Variants in AGBL4 observed in about 807,000 individuals in gnomAD.
AGBL4 encodes AGBL carboxypeptidase 4.
AGBL4 carries 58 observed loss-of-function variants against 66.4 expected under a neutral mutation model. The ratio of observed to expected loss-of-function variants is 0.87; its 90% confidence interval spans 0.71 to 1.09. The LOEUF (loss-of-function observed/expected upper bound fraction) is 1.09. AGBL4 is among the 50% of genes least tolerant of loss of function. The pLI, the probability that AGBL4 is intolerant of heterozygous loss-of-function variation, is 0.00. For missense variants in AGBL4, 579 were observed against 631.0 expected, an observed-to-expected ratio of 0.92 and a Z score of 0.88; for synonymous variants, 234 against 222.9, an observed-to-expected ratio of 1.05 and a Z score of -0.44.
At chr1:49,506,813 C>T (rs1361545525) in intron 3 of AGBL4, among the ~76,000 whole-genome samples, 1 of 151,924 alleles carries the variant, frequency 6.6e-6, no homozygotes, top group Non-Finnish European at 1.5e-5. Context: ...GGTTGCAAAG[C>T]CCATCTATAA....
At chr1:48,975,295 A>C (rs1469731587) in intron 5 of AGBL4, among the ~76,000 whole-genome samples, 2 of 152,102 alleles carry the variant, frequency 1.3e-5, no homozygotes, top group African/African-American at 4.8e-5. Context: ...AATAATCTGT[A>C]ATGTTACCAG....
chr1:49,707,575 G>A (rs886710897), intron 2 of AGBL4, among the ~76,000 whole-genome samples: 3 of 151,998 alleles, frequency 2.0e-5, no homozygotes, highest in Non-Finnish European at 4.4e-5. Flanking sequence ...ATTGTAATAT[G>A]TGATTTTGAT....
chr1:49,996,566 G>A (rs1660384086), intron 1 of AGBL4, among the ~76,000 whole-genome samples: 2 of 152,166 alleles, frequency 1.3e-5, no homozygotes, highest in South Asian at 4.2e-4. Flanking sequence ...TGGGATTATG[G>A]TAAATGAACA....
intron 5 of AGBL4, among the ~76,000 whole-genome samples, chr1:49,041,726 G>A (rs1261829150): frequency 3.3e-5 from 5 of 152,120 alleles, no homozygotes; most frequent in Admixed American, 3.3e-4. Flanking sequence ...CCCGGTATGT[G>A]TGTTGTGTTG....
At chr1:49,242,080 C>T (rs1253141698) in intron 4 of AGBL4, among the ~76,000 whole-genome samples, 1 of 151,866 alleles carries the variant, frequency 6.6e-6, no homozygotes, top group African/African-American at 2.4e-5. Flanking sequence ...TTCTCTAATC[C>T]CACTGCATGC....
chr1:48,902,296 A>T (rs1652162137), intron 5 of AGBL4, among the ~76,000 whole-genome samples: 1 of 152,212 alleles, frequency 6.6e-6, no homozygotes, highest in Non-Finnish European at 1.5e-5. Context: ...TAAAATAAAA[A>T]ACCATAAACT....
chr1:49,435,233 A>G (rs1427763524), intron 3 of AGBL4, among the ~76,000 whole-genome samples: 5 of 152,202 alleles, frequency 3.3e-5, no homozygotes, highest in Non-Finnish European at 7.3e-5. Flanking sequence ...TCATCAAATC[A>G]GTGCTTAGAA....
At position 48,991,422 on chromosome 1, in the gene AGBL4, T is replaced by C. The variant is rs568489971; in HGVS notation, c.594+54162A>G. ...TTTAGGATCCCTTTATTCTTGACTT[T>C]TGCAAGTTTGATCATTAAATGCCTT... On this transcript the variant is annotated intron_variant, in intron 5 of 13. Coordinates refer to ENST00000371839, the MANE Select transcript of AGBL4 (RefSeq NM_032785.4). Among the ~76,000 whole-genome samples the C allele has an allele frequency of 5.3e-5, 8 of 152,292 alleles. No individual in the cohort carries two copies. The East Asian group carries it at 1.2e-3, about 22-fold the overall frequency.
intron 3 of AGBL4, among the ~76,000 whole-genome samples, chr1:49,371,252 C>G (rs113249853): frequency 0.16 from 7,506 of 45,718 alleles, 178 homozygotes; most frequent in Middle Eastern, 0.3. Flanking sequence ...TAGATAGATA[C>G]ATACATACAT....
intron 9 of AGBL4, among the ~76,000 whole-genome samples, chr1:48,597,809 AAGAG>A (rs150961154): frequency 8.2e-5 from 12 of 146,060 alleles, no homozygotes; most frequent in East Asian, 5.8e-4. Context: ...AAGAGAAAGA[AAGAG>A]AGAGAAAGAA....
intron 3 of AGBL4, among the ~76,000 whole-genome samples, chr1:49,325,793 C>T (rs1645217841): frequency 6.6e-6 from 1 of 152,174 alleles, no homozygotes; most frequent in Admixed American, 6.5e-5. Flanking sequence ...AATGGTTTAG[C>T]ACCATCGTCT....
At chr1:48,868,983 C>A (rs1451022197) in intron 5 of AGBL4, among the ~76,000 whole-genome samples, 1 of 152,156 alleles carries the variant, frequency 6.6e-6, no homozygotes, top group East Asian at 1.9e-4. Flanking sequence ...TTGTCCTTTA[C>A]TCATAAGACC....
Position 49,855,926 on chromosome 1 carries a change from TA to T in AGBL4, c.35-4409del, listed in dbSNP as rs554142604. Among the ~76,000 whole-genome samples, 288 of 151,934 alleles carry T rather than the reference TA, an allele frequency of 1.9e-3. 2 individuals carry two copies. Among genetic ancestry groups the T allele is most frequent in the African/African-American group, 6.7e-3 (276 of 41,498 alleles). On this transcript the variant is annotated intron_variant, in intron 1 of 13. Transcript: ENST00000371839. ...AAGCAGAACTAAGCAAAATAGAATC[TA>T]AAAAAATACAAAGGATAAGCAGAAT... is the stretch of plus-strand genomic sequence containing the variant.
chr1:49,932,282 T>C (rs1003908537), intron 1 of AGBL4, among the ~76,000 whole-genome samples: 10 of 152,138 alleles, frequency 6.6e-5, no homozygotes, highest in Admixed American at 5.9e-4. Flanking sequence ...AAAATTAGAT[T>C]GAGAACAACT....
intron 3 of AGBL4, among the ~76,000 whole-genome samples, chr1:49,468,014 T>C (rs1297707435): frequency 2.0e-5 from 3 of 151,766 alleles, no homozygotes; most frequent in African/African-American, 7.3e-5. Flanking sequence ...GACTAAACAA[T>C]TGCAAATTTT....
intron 4 of AGBL4, among the ~76,000 whole-genome samples, chr1:49,104,367 A>G (rs1645255916): frequency 6.6e-6 from 1 of 152,214 alleles, no homozygotes; most frequent in African/African-American, 2.4e-5. Flanking sequence ...TATAAAAGGA[A>G]TGAACATTAT....
At chr1:49,580,637 T>A (rs1464367807) in intron 3 of AGBL4, among the ~76,000 whole-genome samples, 1 of 152,210 alleles carries the variant, frequency 6.6e-6, no homozygotes, top group African/African-American at 2.4e-5. Flanking sequence ...TATTCCTTCA[T>A]TTATGAAGCA....
chr1:48,715,468 C>T (rs1252064130), intron 6 of AGBL4, among the ~76,000 whole-genome samples: 2 of 152,216 alleles, frequency 1.3e-5, no homozygotes, highest in African/African-American at 4.8e-5. Flanking sequence ...CTTCCCCCTG[C>T]CCTGTGCCCA....
intron 1 of AGBL4, among the ~76,000 whole-genome samples, chr1:49,910,278 G>A (rs930829302): frequency 6.6e-6 from 1 of 152,170 alleles, no homozygotes; most frequent in Non-Finnish European, 1.5e-5. Flanking sequence ...TTTCAAAAAG[G>A]TAGAGGACAT....
Sources: gnomAD v4.1 joint callset for allele counts (sites outside exome capture counted in the v4.1 genomes callset) on GRCh38, gnomAD v4.1.1 for gene constraint, MANE v1.5 for transcripts, NCBI Gene and HGNC (gene_info 2026-07-23, HGNC 2026-07-21) for gene names.